Variants in KCNN2 observed in about 807,000 individuals in gnomAD.
The protein encoded by KCNN2 is small conductance calcium-activated potassium channel protein 2.
KCNN2 carries 24 observed loss-of-function variants against 55.5 expected under a neutral mutation model. That is an observed-to-expected ratio of 0.43 (90% CI 0.31 to 0.61). The LOEUF (loss-of-function observed/expected upper bound fraction) is 0.61, where lower values mean the gene tolerates loss of function less well. KCNN2 is among the 20% of genes least tolerant of loss of function. KCNN2 has a pLI of 0.08. For synonymous variants in KCNN2, 431 were observed against 336.1 expected, an observed-to-expected ratio of 1.28 and a Z score of -3.09; for missense variants, 754 against 853.6, an observed-to-expected ratio of 0.88 and a Z score of 1.45.
intron 3 of KCNN2, among the ~76,000 whole-genome samples, chr5:114,414,310 C>T (rs1323608764): frequency 1.6e-4 from 24 of 152,110 alleles, no homozygotes; most frequent in Admixed American, 1.6e-3. Flanking sequence ...AATGGACTTG[C>T]TTACTATTAT....
intron 3 of KCNN2, among the ~76,000 whole-genome samples, chr5:114,439,682 G>C (rs1279745123): frequency 6.6e-6 from 1 of 152,060 alleles, no homozygotes; most frequent in Non-Finnish European, 1.5e-5. Flanking sequence ...AATAGAACTT[G>C]ACAGCATATT....
intron 1 of KCNN2, among the ~76,000 whole-genome samples, chr5:114,117,285 G>A (rs562714481): frequency 3.3e-5 from 5 of 152,154 alleles, no homozygotes; most frequent in East Asian, 1.9e-4. Context: ...TTTTCACCTC[G>A]TCTTACAGAG....
At chr5:114,327,573 A>G (rs1037010982) in intron 2 of KCNN2, among the ~76,000 whole-genome samples, 6 of 152,236 alleles carry the variant, frequency 3.9e-5, no homozygotes, top group Admixed American at 1.3e-4. Context: ...AAAATTGAGT[A>G]GGACGCAGAA....
chr5:114,075,157 A>T (rs904022558), intron 1 of KCNN2, among the ~76,000 whole-genome samples: 5 of 152,204 alleles, frequency 3.3e-5, no homozygotes, highest in African/African-American at 1.2e-4. Context: ...CAGATTGGAG[A>T]CTGGAAGAAA....
intron 2 of KCNN2, among the ~76,000 whole-genome samples, chr5:114,265,961 T>C (rs1039443015): frequency 6.6e-6 from 1 of 152,142 alleles, no homozygotes; most frequent in Non-Finnish European, 1.5e-5. Flanking sequence ...CTCTAGAGTA[T>C]CACTGTCCAT....
At position 114,483,078 on chromosome 5, in the gene KCNN2, G is replaced by C. The variant is rs184852578; in HGVS notation, c.1891-3972G>C. Among the ~76,000 whole-genome samples, 4 of 151,612 alleles carry C rather than the reference G, an allele frequency of 2.6e-5. No individual in the cohort carries two copies. In the East Asian group the frequency reaches 7.7e-4, roughly 29 times the overall value. ...AAAAAAAAAAGTCTAGCAGCCTCAA[G>C]TGCTTTGGTGATCTGTAAAGTACTA... On this transcript the variant is annotated intron_variant, in intron 5 of 7. Transcript: ENST00000673685.
chr5:114,144,656 C>G (rs1561493844), intron 1 of KCNN2, among the ~76,000 whole-genome samples: 1 of 151,928 alleles, frequency 6.6e-6, no homozygotes, highest in African/African-American at 2.4e-5. Flanking sequence ...ATACAAGTAA[C>G]AATTAACACA....
chr5:114,494,609 T>C (rs1748023670), intron 7 of KCNN2, among the ~76,000 whole-genome samples: 2 of 151,922 alleles, frequency 1.3e-5, no homozygotes. Flanking sequence ...TATGAAAAAA[T>C]GAACAGACCA....
At chr5:114,453,475 C>T (rs950223615) in intron 3 of KCNN2, among the ~76,000 whole-genome samples, 2 of 152,194 alleles carry the variant, frequency 1.3e-5, no homozygotes, top group Non-Finnish European at 2.9e-5. Context: ...CAGTCATCTG[C>T]CATGACTTAG....
chr5:114,323,649 A>ATTTCTTTTTTT (rs1756656082), intron 2 of KCNN2, among the ~76,000 whole-genome samples: 1 of 85,318 alleles, frequency 1.2e-5, no homozygotes, highest in Non-Finnish European at 2.3e-5. Context: ...AAACATATCA[A>ATTTCTTTTTTT]TTTTTTTTTT....
At chr5:114,279,304 C>CT (rs546413409) in intron 2 of KCNN2, among the ~76,000 whole-genome samples, 97 of 148,450 alleles carry the variant, frequency 6.5e-4, no homozygotes, top group South Asian at 1.3e-3. Context: ...ACTGTAATTT[C>CT]TTTTTTTTTT....
chr5:114,378,786 G>A (rs1415940680), intron 2 of KCNN2, among the ~76,000 whole-genome samples: 2 of 152,000 alleles, frequency 1.3e-5, no homozygotes, highest in South Asian at 2.1e-4. Context: ...TGACACTGTC[G>A]GTGTGGCTTG....
intron 2 of KCNN2, among the ~76,000 whole-genome samples, chr5:114,287,776 A>C (rs920141063): frequency 6.6e-6 from 1 of 151,992 alleles, no homozygotes; most frequent in African/African-American, 2.4e-5. Flanking sequence ...AAGAAGAAGA[A>C]TACTCAGAGA....
intron 3 of KCNN2, among the ~76,000 whole-genome samples, chr5:114,449,143 G>A (rs971027246): frequency 6.6e-6 from 1 of 152,050 alleles, no homozygotes; most frequent in Non-Finnish European, 1.5e-5. Flanking sequence ...TTTCTTCCTG[G>A]TTTCATTTTG....
At chr5:114,276,254 T>A (rs1418866389) in intron 2 of KCNN2, among the ~76,000 whole-genome samples, 2 of 152,112 alleles carry the variant, frequency 1.3e-5, no homozygotes, top group African/African-American at 4.8e-5. Flanking sequence ...TCCAAATATG[T>A]GGTCAATTTT....
intron 1 of KCNN2, among the ~76,000 whole-genome samples, chr5:114,107,659 G>C (rs145813140): frequency 2.0e-5 from 3 of 151,908 alleles, no homozygotes; most frequent in African/African-American, 7.3e-5. Flanking sequence ...GCCTCCCAAA[G>C]TGTTGGCATT....
chr5:114,221,581 A>G (rs1188684210), intron 2 of KCNN2, among the ~76,000 whole-genome samples: 1 of 152,222 alleles, frequency 6.6e-6, no homozygotes, highest in Non-Finnish European at 1.5e-5. Context: ...TAAAAATAGT[A>G]GTAAAATATG....
chr5:114,239,834 T>C (rs1754582038), intron 2 of KCNN2, among the ~76,000 whole-genome samples: 1 of 152,206 alleles, frequency 6.6e-6, no homozygotes, highest in African/African-American at 2.4e-5. Context: ...TTAAAGCCTT[T>C]GAACTATCAG....
chr5:114,469,034 G>A (rs918512327), intron 4 of KCNN2, among the ~76,000 whole-genome samples: 7 of 152,124 alleles, frequency 4.6e-5, no homozygotes, highest in Non-Finnish European at 7.4e-5. Context: ...CAGTTTCTGC[G>A]CTATAATGGA....
Sources: gnomAD v4.1 joint callset for allele counts (sites outside exome capture counted in the v4.1 genomes callset) on GRCh38, gnomAD v4.1.1 for gene constraint, MANE v1.5 for transcripts, NCBI Gene and HGNC (gene_info 2026-07-23, HGNC 2026-07-21) for gene names.